Variants in OR2T6 observed in about 807,000 individuals in gnomAD.
OR2T6 encodes olfactory receptor family 2 subfamily T member 6.
For synonymous variants in OR2T6, 174 were observed against 148.0 expected (o/e 1.18, Z -1.27); for missense variants, 424 against 391.6 (o/e 1.08, Z -0.70).
intron 1 of OR2T6, among the ~76,000 whole-genome samples, chr1:248,382,083 T>A (rs888656389): frequency 7.2e-5 from 11 of 152,154 alleles, no homozygotes; most frequent in African/African-American, 2.7e-4. Flanking sequence ...TCAGTATCCG[T>A]GGCCACACAA....
At position 248,389,218 on chromosome 1, in the gene OR2T6, A is replaced by G. The variant is rs1051406954; in HGVS notation, c.*683A>G. 1 of 152,088 alleles carries G rather than the reference A, an allele frequency of 6.6e-6. No homozygotes were observed. Among genetic ancestry groups the G allele is most frequent in the African/African-American group, 2.4e-5 (1 of 41,408 alleles). The allele number at this position is 152,088 out of a possible 1,614,324, so 9.4% of individuals were successfully genotyped here. A position where few individuals can be genotyped will look rare whatever the true frequency, so the allele number is the denominator to read the frequency against. ...TGGTAACTAACTGTTACATTGGAAGACACAGCAAAAGGTAGTTGAGAAAGA... is the reference window on the plus strand; with the variant it reads ...TGGTAACTAACTGTTACATTGGAAGGCACAGCAAAAGGTAGTTGAGAAAGA... On this transcript the variant is annotated 3_prime_UTR_variant, in exon 3 of 3. Coordinates refer to ENST00000641644, the MANE Select transcript of OR2T6 (RefSeq NM_001005471.2).
rs1203127766 is a variant in OR2T6, at chr1:248,388,589, C to T, written c.*54C>T. ...TCTGATGGTCTAAAACCTCCACATCCTGTTCAGGCATATATGGGGTCGTAT... is the reference window on the plus strand; with the variant it reads ...TCTGATGGTCTAAAACCTCCACATCTTGTTCAGGCATATATGGGGTCGTAT... On this transcript the variant is annotated 3_prime_UTR_variant, in exon 3 of 3. Coordinates refer to ENST00000641644, the MANE Select transcript of OR2T6 (RefSeq NM_001005471.2). 1.5e-6 allele frequency: 2 copies of T among 1,376,060 alleles called. No homozygotes were observed. The allele number at this position is 1,376,060 out of a possible 1,614,324, so 85.2% of individuals were successfully genotyped here.
rs1472583392 is a variant in OR2T6 at position 248,387,768 on chromosome 1, C to T, written c.160C>T (p.His54Tyr). The change falls in exon 3 of 3, where the codon CAT (histidine) becomes TAT (tyrosine). Residue 54 changes from histidine to tyrosine, a missense_variant. Transcript: ENST00000641644. ...GATCTTCCTGATTAACATAGACCCT[C>T]ATCTCCACACCCCCATGTACTTCCT... ...VMIFLINIDP[H>Y]LHTPMYFLLS... 2 of 1,613,542 alleles carry T rather than the reference C, an allele frequency of 1.2e-6. No homozygotes were observed. The highest frequency in any genetic ancestry group is 3.3e-5 in the Admixed American group (2 of 60,000).
intron 2 of OR2T6, among the ~76,000 whole-genome samples, chr1:248,386,270 G>A (rs1018692807): frequency 2.6e-5 from 4 of 152,172 alleles, no homozygotes; most frequent in Admixed American, 6.5e-5. Flanking sequence ...TTCAAGATGT[G>A]AATGCACCAC....
In OR2T6 at chr1:248,388,663, C is replaced by G; in HGVS notation, c.*128C>G. The G allele has an allele frequency of 1.5e-6, 1 of 658,684 alleles. No individual in the cohort carries two copies. Among genetic ancestry groups the G allele is most frequent in the Non-Finnish European group, 2.5e-6 (1 of 400,938 alleles). 40.8% of individuals were successfully genotyped at this position (658,684 alleles called of 1,614,324 possible). ...ACAGGAACTTTCAATACCAGCTGTG[C>G]TAAATGGTGTATCAACAGTACCCCC... On this transcript the variant is annotated 3_prime_UTR_variant, in exon 3 of 3. Transcript: ENST00000641644.
chr1:248,382,589 A>G (rs1175116442), intron 1 of OR2T6, among the ~76,000 whole-genome samples: 2 of 140,120 alleles, frequency 1.4e-5, no homozygotes, highest in South Asian at 4.5e-4. Context: ...CTGGAGTTCA[A>G]TGGTGCAATC....
chr1:248,379,130 G>A (rs556523713), intron 1 of OR2T6, among the ~76,000 whole-genome samples: 8 of 152,320 alleles, frequency 5.3e-5, no homozygotes, highest in Admixed American at 6.5e-5. Context: ...AGCAGTGATC[G>A]TGCCACTGTG....
rs776304282 is a variant in OR2T6, at chr1:248,387,568, C to A, written c.-4-37C>A. 8.2e-6 allele frequency: 10 copies of A among 1,212,216 alleles called. No homozygotes were observed. In the South Asian group the frequency reaches 1.6e-4, roughly 19 times the overall value. 75.1% of individuals were successfully genotyped at this position (1,212,216 alleles called of 1,614,324 possible). A position where few individuals can be genotyped will look rare whatever the true frequency, so the allele number is the denominator to read the frequency against. ...ATTTATCTTTTGTCATTTTCATTGA[C>A]CCTGCTTCTCTTCTTATGCCTCCAT... On this transcript the variant is annotated intron_variant, in intron 2 of 2. Coordinates refer to ENST00000641644, the MANE Select transcript of OR2T6 (RefSeq NM_001005471.2).
In OR2T6 at chr1:248,387,857, A is replaced by G. The variant is rs777032363; in HGVS notation, c.249A>G (p.Val83=). The G allele has an allele frequency of 1.1e-5, 18 of 1,598,628 alleles. No homozygotes were observed. The highest frequency in any genetic ancestry group is 1.5e-5 in the Non-Finnish European group (18 of 1,169,112). The part of the protein sequence containing the change: ...YISTIVPKML[V]DYLMGEGTIS... ...CCACCATTGTGCCCAAGATGCTGGT[A>G]GATTATCTCATGGGCGAGGGGACCA... The change falls in exon 3 of 3, where the codon GTA becomes GTG. Residue 83 remains valine (V), a synonymous_variant. Coordinates refer to ENST00000641644, the MANE Select transcript of OR2T6 (RefSeq NM_001005471.2).
At chr1:248,381,858 C>CT (rs1164511750) in intron 1 of OR2T6, among the ~76,000 whole-genome samples, 2 of 10,524 alleles carry the variant, frequency 1.9e-4, no homozygotes, top group Non-Finnish European at 3.0e-4. Context: ...TACTGTTTAT[C>CT]CCCCCTAATT....
intron 1 of OR2T6, among the ~76,000 whole-genome samples, chr1:248,380,348 G>A (rs1364289722): frequency 6.6e-6 from 1 of 151,788 alleles, no homozygotes; most frequent in Non-Finnish European, 1.5e-5. Context: ...TTTTAATGAT[G>A]TTTTGTGTCA....
chr1:248,379,158 G>C (rs932823133), intron 1 of OR2T6, among the ~76,000 whole-genome samples: 6 of 152,174 alleles, frequency 3.9e-5, no homozygotes, highest in Non-Finnish European at 8.8e-5. Context: ...CCGAGGAACA[G>C]AGCAAGTTCC....
At chr1:248,378,380 T>C (rs1287609070) in intron 1 of OR2T6, among the ~76,000 whole-genome samples, 3 of 152,210 alleles carry the variant, frequency 2.0e-5, no homozygotes, top group African/African-American at 7.2e-5. Context: ...GAAATGTATT[T>C]ATTTCTTGTA....
intron 1 of OR2T6, among the ~76,000 whole-genome samples, chr1:248,384,114 A>G (rs1169641301): frequency 3.7e-5 from 2 of 54,270 alleles, no homozygotes; most frequent in Admixed American, 1.8e-4. Flanking sequence ...TCCTATCCTG[A>G]TGTGTTTCCT....
intron 1 of OR2T6, among the ~76,000 whole-genome samples, chr1:248,382,983 G>A (rs1661065795): frequency 6.6e-6 from 1 of 152,214 alleles, no homozygotes; most frequent in South Asian, 2.1e-4. Flanking sequence ...TAATTGTCAT[G>A]GGTAAAGCAC....
In OR2T6 at chr1:248,384,719, G is replaced by A. The variant is rs6691314; in HGVS notation, c.-150G>A. 70,327 of 98,566 alleles carry A rather than the reference G, an allele frequency of 0.71. 26,598 individuals are homozygous for A. Among genetic ancestry groups the A allele is most frequent in the African/African-American group, 0.87 (22,470 of 25,886 alleles). The allele number at this position is 98,566 out of a possible 1,614,324, so 6.1% of individuals were successfully genotyped here. A position where few individuals can be genotyped will look rare whatever the true frequency, so the allele number is the denominator to read the frequency against. On this transcript the variant is annotated 5_prime_UTR_variant, in exon 2 of 3. Coordinates refer to ENST00000641644, the MANE Select transcript of OR2T6 (RefSeq NM_001005471.2). ...ATTGACATTGCGGGAAGCTCCTTCT[G>A]ATTCATCAGGTCCTCACGAGGAGCT...
At chr1:248,381,036 G>C (rs1204746433) in intron 1 of OR2T6, among the ~76,000 whole-genome samples, 3 of 151,968 alleles carry the variant, frequency 2.0e-5, no homozygotes, top group Non-Finnish European at 4.4e-5. Context: ...TACTCTGAAT[G>C]ATGTTGTAGC....
rs1661185112 is a variant in OR2T6, at chr1:248,388,318, C to T, written c.710C>T (p.Ala237Val). 1 of 1,613,570 alleles carries T rather than the reference C, an allele frequency of 6.2e-7. No individual in the cohort carries two copies. Among genetic ancestry groups the T allele is most frequent in the Non-Finnish European group, 8.5e-7 (1 of 1,179,730 alleles). The part of the protein sequence containing the change: ...QMTSAEGRKK[A>V]FATCSSHMMV... ...ACATCGGCTGAAGGGAGGAAGAAGGCCTTTGCCACCTGCTCTTCACACATG... is the reference window on the plus strand; with the variant it reads ...ACATCGGCTGAAGGGAGGAAGAAGGTCTTTGCCACCTGCTCTTCACACATG... Residue 237 changes from alanine (A) to valine (V), a missense_variant, in exon 3 of 3, where the codon GCC (alanine) becomes GTC (valine). By Grantham distance (64) the Ala-to-Val change is moderately conservative. Transcript: ENST00000641644.
intron 2 of OR2T6, 115 bp downstream of exon 2, chr1:248,384,979 C>T (rs1436694568): frequency 4.6e-5 from 7 of 152,232 alleles, no homozygotes. Flanking sequence ...CTGTGTATTT[C>T]TCACTTTCCT....
Sources: gnomAD v4.1 joint callset for allele counts (sites outside exome capture counted in the v4.1 genomes callset) on GRCh38, gnomAD v4.1.1 for gene constraint, MANE v1.5 for transcripts, NCBI Gene and HGNC (gene_info 2026-07-23, HGNC 2026-07-21) for gene names.